The following CDH18 variants were observed in gnomAD, a reference collection of about 807,000 sequenced individuals.
CDH18 encodes the protein cadherin 18.
Under a neutral mutation model 67.9 loss-of-function variants are expected in CDH18, and 31 were observed. The ratio of observed to expected loss-of-function variants is 0.46; its 90% CI spans 0.34 to 0.62. The LOEUF is 0.62. Among genes scored for constraint, CDH18 ranks in the 20% least tolerant of loss-of-function variants. The probability of loss-of-function intolerance (pLI) is 0.01; values close to 1 mark genes in which losing one functional copy is unlikely to be tolerated. For missense variants in CDH18, 890 were observed against 975.5 expected, an observed-to-expected ratio of 0.91 and a Z score of 1.17; for synonymous variants, 362 against 347.2, an observed-to-expected ratio of 1.04 and a Z score of -0.48.
chr5:20,245,011 A>G (rs1230764159), intron 2 of CDH18, among the ~76,000 whole-genome samples: 2 of 152,132 alleles, frequency 1.3e-5, no homozygotes, highest in African/African-American at 2.4e-5. Context: ...TTGACTTGGT[A>G]TCCCTCTTGC....
At chr5:20,391,341 T>A (rs1744839798) in intron 1 of CDH18, among the ~76,000 whole-genome samples, 1 of 151,952 alleles carries the variant, frequency 6.6e-6, no homozygotes, top group Non-Finnish European at 1.5e-5. Flanking sequence ...ACTCTGAACT[T>A]ATTGCATGGT....
At chr5:20,226,748 G>T (rs1181551413) in intron 2 of CDH18, among the ~76,000 whole-genome samples, 1 of 151,930 alleles carries the variant, frequency 6.6e-6, no homozygotes, top group African/African-American at 2.4e-5. Context: ...TACCATATTA[G>T]AAAAATGTAT....
chr5:19,981,332 A>G lies in CDH18; in HGVS notation c.-375-154T>C, dbSNP rs183076801. On this transcript the variant is annotated intron_variant, in intron 1 of 12. Transcript: ENST00000382275. ...ATCTACACATGATCGGGTTTCTATT[A>G]TTTCTTAACATTATCACCTCCTGTA... 1.3e-3 allele frequency among the ~76,000 whole-genome samples: 196 copies of G among 152,330 alleles called. 1 individual carries two copies. Among genetic ancestry groups the G allele is most frequent in the African/African-American group, 4.4e-3 (184 of 41,584 alleles).
At chr5:19,665,915 A>G (rs1202642643) in intron 5 of CDH18, among the ~76,000 whole-genome samples, 1 of 152,060 alleles carries the variant, frequency 6.6e-6, no homozygotes, top group Non-Finnish European at 1.5e-5. Context: ...GAAAGCACTG[A>G]TTTAATATTT....
At chr5:20,283,512 C>T (rs1033124544) in intron 1 of CDH18, among the ~76,000 whole-genome samples, 8 of 144,168 alleles carry the variant, frequency 5.5e-5, no homozygotes, top group Non-Finnish European at 1.1e-4. Context: ...TTCATGATCA[C>T]GGATCATCAG....
intron 1 of CDH18, among the ~76,000 whole-genome samples, chr5:20,397,221 C>T (rs866881509): frequency 3.9e-5 from 6 of 152,078 alleles, no homozygotes; most frequent in Non-Finnish European, 8.8e-5. Flanking sequence ...ACATCCGCCT[C>T]CTGGGTTCAA....
chr5:20,263,896 GA>G (rs1744844776), intron 1 of CDH18, among the ~76,000 whole-genome samples: 1 of 151,774 alleles, frequency 6.6e-6, no homozygotes, highest in South Asian at 2.1e-4. Context: ...ACTAGCTAAG[GA>G]AAAGGTTATG....
chr5:19,571,455 T>C, intron 8 of CDH18, 124 bp downstream of exon 8: 1 of 869,208 alleles, frequency 1.2e-6, no homozygotes, highest in Non-Finnish European at 1.7e-6. Flanking sequence ...AATATTATAA[T>C]TTAATTATAT....
At chr5:20,176,956 T>C (rs1737281845) in intron 2 of CDH18, among the ~76,000 whole-genome samples, 1 of 152,100 alleles carries the variant, frequency 6.6e-6, no homozygotes, top group African/African-American at 2.4e-5. Flanking sequence ...CCAACAGAAA[T>C]GTTTTTTCTC....
At position 19,543,858 on chromosome 5, in the gene CDH18, A is replaced by C. The variant is rs1266542420; in HGVS notation, c.1390+11T>G. The C allele has an allele frequency of 2.6e-6, 4 of 1,562,778 alleles. No homozygotes were observed. In the Admixed American group the frequency reaches 5.4e-5, roughly 21 times the overall value. On this transcript the variant is annotated intron_variant, in intron 9 of 12. Transcript: ENST00000382275. ...GTGACATCTTTTACTGTGATACATA[A>C]AGTAGTTTACCAATTTCTGAAGCAG...
intron 1 of CDH18, among the ~76,000 whole-genome samples, chr5:20,535,654 C>T (rs1756671295): frequency 6.6e-6 from 1 of 152,096 alleles, no homozygotes; most frequent in Admixed American, 6.6e-5. Flanking sequence ...ATAACTCAGG[C>T]TTCTCCCTCC....
At chr5:20,450,399 A>C (rs889851431) in intron 1 of CDH18, among the ~76,000 whole-genome samples, 3 of 152,178 alleles carry the variant, frequency 2.0e-5, no homozygotes, top group Non-Finnish European at 4.4e-5. Flanking sequence ...CACATTATGT[A>C]CTTTCATATG....
chr5:20,301,506 C>G (rs1249188601), intron 1 of CDH18, among the ~76,000 whole-genome samples: 1 of 152,172 alleles, frequency 6.6e-6, no homozygotes. Flanking sequence ...ACCTCCCCAT[C>G]ATCTACCATA....
rs185336968 is a variant in CDH18, at chr5:19,911,378, G to T, written c.-257+69682C>A. Reference sequence around the variant, plus strand: ...GTGTTGATGGTAGAGTTAGAGAGAAGGGGAAAGATTATACTATTAGGAGAT... The same window carrying T: ...GTGTTGATGGTAGAGTTAGAGAGAATGGGAAAGATTATACTATTAGGAGAT... On this transcript the variant is annotated intron_variant, in intron 2 of 12. Coordinates refer to ENST00000382275, the MANE Select transcript of CDH18 (RefSeq NM_004934.5). Among the ~76,000 whole-genome samples, 33 of 152,134 alleles carry T rather than the reference G, an allele frequency of 2.2e-4. No homozygotes were observed. The East Asian group carries it at 5.2e-3, about 24-fold the overall frequency.
intron 1 of CDH18, among the ~76,000 whole-genome samples, chr5:20,446,133 T>A (rs1749982915): frequency 6.6e-6 from 1 of 152,084 alleles, no homozygotes; most frequent in Non-Finnish European, 1.5e-5. Context: ...GAGCTTAGGG[T>A]AAAATGAACT....
intron 1 of CDH18, among the ~76,000 whole-genome samples, chr5:20,339,001 A>G (rs1740020473): frequency 6.6e-6 from 1 of 152,178 alleles, no homozygotes; most frequent in South Asian, 2.1e-4. Flanking sequence ...GACAGGAGCC[A>G]GGGGATACAG....
intron 1 of CDH18, among the ~76,000 whole-genome samples, chr5:20,469,338 A>G (rs1276166564): frequency 7.2e-6 from 1 of 137,994 alleles, no homozygotes; most frequent in Non-Finnish European, 1.6e-5. Context: ...CAATATGTTT[A>G]AAAAACTAGA....
chr5:20,008,282 A>G (rs1462532143), intron 2 of CDH18, among the ~76,000 whole-genome samples: 1 of 152,144 alleles, frequency 6.6e-6, no homozygotes, highest in Non-Finnish European at 1.5e-5. Context: ...CTTTTGAGAT[A>G]CATAATCACT....
At chr5:20,248,500 C>A (rs1458513446) in intron 2 of CDH18, among the ~76,000 whole-genome samples, 1 of 152,156 alleles carries the variant, frequency 6.6e-6, no homozygotes, top group African/African-American at 2.4e-5. Context: ...CTAGCAGCAG[C>A]AGAAGTAATT....
Sources: allele counts gnomAD v4.1 joint callset (sites outside exome capture counted in the v4.1 genomes callset), GRCh38; gene constraint gnomAD v4.1.1; transcripts MANE v1.5; gene names NCBI Gene and HGNC (gene_info 2026-07-23, HGNC 2026-07-21).